The following PAQR5 variants were observed in gnomAD, a reference collection of about 807,000 sequenced individuals.
PAQR5 encodes the protein progestin and adipoQ receptor family member 5, also known as membrane progestin receptor gamma.
A neutral mutation model predicts 34.5 loss-of-function variants in PAQR5; 20 were observed. The ratio of observed to expected loss-of-function variants is 0.58; its 90% CI spans 0.41 to 0.84. PAQR5 has a LOEUF of 0.84. PAQR5 is among the 40% of genes least tolerant of loss of function. The pLI is 0.00. For missense variants in PAQR5, 378 were observed against 412.7 expected, an observed-to-expected ratio of 0.92 and a Z score of 0.73; for synonymous variants, 131 against 155.6, an observed-to-expected ratio of 0.84 and a Z score of 1.18.
chr15:69,321,057 G>A (rs2054084703), intron 1 of PAQR5, among the ~76,000 whole-genome samples: 1 of 152,150 alleles, frequency 6.6e-6, no homozygotes, highest in South Asian at 2.1e-4. Flanking sequence ...TTGCCTTTGA[G>A]TTCTTTGGTT....
chr15:69,310,318 G>A (rs566010206), intron 1 of PAQR5, among the ~76,000 whole-genome samples: 1 of 152,206 alleles, frequency 6.6e-6, no homozygotes, highest in East Asian at 1.9e-4. Flanking sequence ...GAAAGATATC[G>A]GCAATGTGCT....
intron 6 of PAQR5, chr15:69,392,100 G>T: frequency 5.1e-6 from 1 of 197,996 alleles, no homozygotes; most frequent in South Asian, 7.2e-5. Context: ...TTCCCCATGA[G>T]CTCATAATTC....
At chr15:69,313,661 C>T (rs987249056) in intron 1 of PAQR5, among the ~76,000 whole-genome samples, 1 of 152,126 alleles carries the variant, frequency 6.6e-6, no homozygotes, top group African/African-American at 2.4e-5. Flanking sequence ...GGAAGTCCAC[C>T]AGGGAGGCCC....
chr15:69,373,531 T>C (rs920302387), intron 3 of PAQR5, among the ~76,000 whole-genome samples: 3 of 152,228 alleles, frequency 2.0e-5, no homozygotes, highest in African/African-American at 7.2e-5. Flanking sequence ...TTTCTTCTGC[T>C]GTAGATCAAT....
chr15:69,342,642 G>A (rs1322248453), intron 2 of PAQR5, among the ~76,000 whole-genome samples: 1 of 152,156 alleles, frequency 6.6e-6, no homozygotes, highest in African/African-American at 2.4e-5. Context: ...CCTTGGAGGT[G>A]GTGAGGACTG....
intron 6 of PAQR5, among the ~76,000 whole-genome samples, chr15:69,390,829 G>GTT (rs113062143): frequency 3.5e-5 from 5 of 142,892 alleles, no homozygotes; most frequent in Non-Finnish European, 4.6e-5. Flanking sequence ...AATTCCCACT[G>GTT]TTTTTTTTTT....
chr15:69,355,368 CTTTCTTTCTTTCTTTCT>C (rs2055047740), intron 2 of PAQR5, among the ~76,000 whole-genome samples: 1 of 58,620 alleles, frequency 1.7e-5, no homozygotes, highest in Non-Finnish European at 3.4e-5. Context: ...TTCTTTCTTT[CTTTCTTTCTTTCTTTCT>C]TTCTCTTTCT....
intron 3 of PAQR5, among the ~76,000 whole-genome samples, chr15:69,376,304 G>A (rs1303427825): frequency 6.6e-6 from 1 of 152,072 alleles, no homozygotes; most frequent in Admixed American, 6.5e-5. Flanking sequence ...GTCAAACTGG[G>A]TTTAGAATAC....
At chr15:69,387,321 G>A (rs530039646) in intron 5 of PAQR5, among the ~76,000 whole-genome samples, 3 of 152,276 alleles carry the variant, frequency 2.0e-5, no homozygotes, top group South Asian at 2.1e-4. Context: ...ACACACCCCT[G>A]AGGGGCCACA....
intron 3 of PAQR5, among the ~76,000 whole-genome samples, chr15:69,377,089 A>G (rs143899533): frequency 6.6e-6 from 1 of 152,214 alleles, no homozygotes; most frequent in Non-Finnish European, 1.5e-5. Flanking sequence ...CTCTTGGTTT[A>G]TAGGATCTGC....
chr15:69,389,022 C>T (rs1454783003), intron 5 of PAQR5, among the ~76,000 whole-genome samples: 1 of 152,264 alleles, frequency 6.6e-6, no homozygotes, highest in Non-Finnish European at 1.5e-5. Context: ...CCTTAAGCAA[C>T]CCTTCTTTCA....
intron 3 of PAQR5, among the ~76,000 whole-genome samples, chr15:69,378,711 G>A (rs962703094): frequency 2.6e-5 from 4 of 152,040 alleles, no homozygotes; most frequent in Non-Finnish European, 4.4e-5. Flanking sequence ...TATAATTTAC[G>A]TTTCAAAGGG....
At chr15:69,352,094 C>A (rs1399279929) in intron 2 of PAQR5, among the ~76,000 whole-genome samples, 1 of 152,172 alleles carries the variant, frequency 6.6e-6, no homozygotes, top group African/African-American at 2.4e-5. Flanking sequence ...TCCATTGGTG[C>A]TTGATGTGTC....
chr15:69,384,767 C>A lies in PAQR5; in HGVS notation c.270C>A (p.Thr90=). The A allele has an allele frequency of 6.2e-7, 1 of 1,613,176 alleles. No homozygotes were observed. The highest frequency in any genetic ancestry group is 8.5e-7 in the Non-Finnish European group (1 of 1,179,132). ...YSWPMLVYMC[T]SCVYPLVSSC... ...GGCCCATGCTTGTGTACATGTGCAC[C>A]AGCTGCGTGTACCCACTTGTGTCCA... The change falls in exon 5 of 9, where the codon ACC becomes ACA. Residue 90 remains threonine, a synonymous_variant. Transcript: ENST00000395407.
At chr15:69,300,840 G>C (rs1245146640) in intron 1 of PAQR5, among the ~76,000 whole-genome samples, 2 of 14,402 alleles carry the variant, frequency 1.4e-4, no homozygotes, top group African/African-American at 6.4e-4. Flanking sequence ...CCTTTAGTTC[G>C]TTTTCTTTCT....
Position 69,405,926 on chromosome 15 carries a change from G to A in PAQR5, c.*2104G>A, listed in dbSNP as rs570823065. On this transcript the variant is annotated 3_prime_UTR_variant, in exon 9 of 9. Transcript: ENST00000395407. Reference sequence around the variant, plus strand: ...ACAGTGTTATAAATCAGAATTTTACGACAGTTTGCAGAACACTGATTTGAA... The same window carrying A: ...ACAGTGTTATAAATCAGAATTTTACAACAGTTTGCAGAACACTGATTTGAA... 10 of 152,254 alleles carry A rather than the reference G, an allele frequency of 6.6e-5. No individual in the cohort carries two copies. The East Asian group carries it at 1.4e-3, about 21-fold the overall frequency. 9.4% of individuals were successfully genotyped at this position (152,254 alleles called of 1,614,324 possible). A position where few individuals can be genotyped will look rare whatever the true frequency, so the allele number is the denominator to read the frequency against.
At chr15:69,344,181 G>T (rs1236848957) in intron 2 of PAQR5, among the ~76,000 whole-genome samples, 2 of 152,216 alleles carry the variant, frequency 1.3e-5, no homozygotes, top group African/African-American at 4.8e-5. Context: ...TTGCTTGAAA[G>T]TTCATGCATG....
intron 1 of PAQR5, among the ~76,000 whole-genome samples, chr15:69,307,601 C>T (rs2053746466): frequency 6.6e-6 from 1 of 152,264 alleles, no homozygotes. Context: ...CACCTTTCAT[C>T]CCCCACAAGG....
At chr15:69,330,444 G>A (rs768400574) in intron 1 of PAQR5, among the ~76,000 whole-genome samples, 2 of 152,180 alleles carry the variant, frequency 1.3e-5, no homozygotes, top group Non-Finnish European at 2.9e-5. Context: ...TGGTTTAGGA[G>A]TCATGCAGTT....
Sources: gnomAD v4.1 joint callset for allele counts (sites outside exome capture counted in the v4.1 genomes callset) on GRCh38, gnomAD v4.1.1 for gene constraint, MANE v1.5 for transcripts, NCBI Gene and HGNC (gene_info 2026-07-23, HGNC 2026-07-21) for gene names.